Variants in SAMTOR observed in about 807,000 individuals in gnomAD.
SAMTOR encodes S-adenosylmethionine sensor upstream of mTORC1.
the SAMTOR span, among the ~76,000 whole-genome samples, chr7:112,922,139 G>A: frequency 6.6e-6 from 1 of 152,140 alleles, no homozygotes; most frequent in Non-Finnish European, 1.5e-5. Context: ...TATTTTTTTG[G>A]TGGAGACGGG....
chr7:112,838,047 A>G, the SAMTOR span, among the ~76,000 whole-genome samples: 1 of 151,988 alleles, frequency 6.6e-6, no homozygotes, highest in Non-Finnish European at 1.5e-5. Context: ...AAGCAAAGAC[A>G]TCAACAAAAA....
At chr7:112,820,304 T>A in the SAMTOR span, 1 of 152,424 alleles carries the variant, frequency 6.6e-6, no homozygotes, top group Non-Finnish European at 1.5e-5. Flanking sequence ...AACATCAGCT[T>A]TACCAGAGTA....
chr7:112,841,220 A>T, the SAMTOR span, among the ~76,000 whole-genome samples: 1 of 152,210 alleles, frequency 6.6e-6, no homozygotes, highest in Non-Finnish European at 1.5e-5. Flanking sequence ...GCTGATAAGC[A>T]ACTTCAGCAA....
the SAMTOR span, among the ~76,000 whole-genome samples, chr7:112,917,939 G>A: frequency 2.0e-5 from 3 of 152,192 alleles, no homozygotes; most frequent in Non-Finnish European, 4.4e-5. Flanking sequence ...CAAGAAATAT[G>A]AGACTATGTG....
the SAMTOR span, among the ~76,000 whole-genome samples, chr7:112,830,691 A>G: frequency 6.6e-6 from 1 of 152,232 alleles, no homozygotes; most frequent in African/African-American, 2.4e-5. Context: ...GAAAGTAGAA[A>G]TAACAGTAAT....
At chr7:112,871,094 C>T in the SAMTOR span, among the ~76,000 whole-genome samples, 4 of 152,104 alleles carry the variant, frequency 2.6e-5, no homozygotes, top group African/African-American at 9.7e-5. Flanking sequence ...GGGACTTCAC[C>T]TCATTCACAG....
the SAMTOR span, among the ~76,000 whole-genome samples, chr7:112,843,312 G>A: frequency 6.6e-6 from 1 of 151,914 alleles, no homozygotes; most frequent in Non-Finnish European, 1.5e-5. Context: ...CTATGATATA[G>A]TAACAAGTGT....
At chr7:112,906,078 C>T in the SAMTOR span, among the ~76,000 whole-genome samples, 1 of 152,110 alleles carries the variant, frequency 6.6e-6, no homozygotes, top group African/African-American at 2.4e-5. Context: ...TATGTACACA[C>T]ACAACAATAT....
the SAMTOR span, among the ~76,000 whole-genome samples, chr7:112,839,137 G>C: frequency 1.3e-5 from 2 of 151,806 alleles, no homozygotes; most frequent in Non-Finnish European, 2.9e-5. Flanking sequence ...AGAAAGTAAA[G>C]CACTGCTCAA....
the SAMTOR span, among the ~76,000 whole-genome samples, chr7:112,859,611 G>T: frequency 6.6e-6 from 1 of 152,166 alleles, no homozygotes; most frequent in Non-Finnish European, 1.5e-5. Flanking sequence ...ACAAAATTTG[G>T]AAGTGGAAGA....
chr7:112,837,084 T>C, the SAMTOR span, among the ~76,000 whole-genome samples: 1 of 152,080 alleles, frequency 6.6e-6, no homozygotes, highest in Non-Finnish European at 1.5e-5. Context: ...GCATGAAATG[T>C]TTTCCATTTG....
At chr7:112,825,854 T>G in the SAMTOR span, among the ~76,000 whole-genome samples, 2 of 134,066 alleles carry the variant, frequency 1.5e-5, no homozygotes, top group Admixed American at 7.4e-5. Context: ...AAATTCTGAG[T>G]TTTTTTTTTT....
chr7:112,855,908 TA>T, the SAMTOR span, among the ~76,000 whole-genome samples: 9,306 of 145,498 alleles, frequency 0.064, 358 homozygotes, highest in African/African-American at 0.12. Context: ...TGGGGGAGAT[TA>T]AAAAAAAAAA....
At chr7:112,920,559 T>C in the SAMTOR span, among the ~76,000 whole-genome samples, 2 of 150,102 alleles carry the variant, frequency 1.3e-5, no homozygotes, top group Non-Finnish European at 3.0e-5. Flanking sequence ...ATGCCCTCTC[T>C]CACCACTCTT....
chr7:112,904,169 GA>G, the SAMTOR span, among the ~76,000 whole-genome samples: 5 of 152,174 alleles, frequency 3.3e-5, no homozygotes, highest in African/African-American at 1.2e-4. Flanking sequence ...AAAGGTTACA[GA>G]AGCCCTAAAA....
the SAMTOR span, among the ~76,000 whole-genome samples, chr7:112,922,462 G>C: frequency 6.6e-6 from 1 of 151,394 alleles, no homozygotes; most frequent in African/African-American, 2.4e-5. Flanking sequence ...GCTCAGTCTG[G>C]AAAGTGAGGA....
chr7:112,848,519 T>TA, the SAMTOR span, among the ~76,000 whole-genome samples: 6 of 152,128 alleles, frequency 3.9e-5, no homozygotes, highest in African/African-American at 1.4e-4. Context: ...TACAAAATCT[T>TA]ACGGGAGTAG....
the SAMTOR span, among the ~76,000 whole-genome samples, chr7:112,880,034 G>C: frequency 6.6e-6 from 1 of 152,116 alleles, no homozygotes; most frequent in Non-Finnish European, 1.5e-5. Context: ...CAGGTTAACA[G>C]AATAAATTTT....
the SAMTOR span, among the ~76,000 whole-genome samples, chr7:112,912,142 C>A: frequency 1.3e-5 from 2 of 151,698 alleles, no homozygotes; most frequent in Non-Finnish European, 2.9e-5. Context: ...AATATGATGA[C>A]GGTGTTGTGG....
Sources: gnomAD v4.1 joint callset for allele counts (sites outside exome capture counted in the v4.1 genomes callset) on GRCh38, gnomAD v4.1.1 for gene constraint, MANE v1.5 for transcripts, NCBI Gene and HGNC (gene_info 2026-07-23, HGNC 2026-07-21) for gene names.